The following ABCC9 variants were observed in gnomAD, a reference collection of about 807,000 sequenced individuals.
ABCC9 encodes the protein ATP binding cassette subfamily C member 9.
In ABCC9, 95 loss-of-function variants were observed where a neutral mutation model predicts 188.3. That is an observed-to-expected ratio of 0.50 (90% confidence interval 0.43 to 0.60). The LOEUF (loss-of-function observed/expected upper bound fraction) is 0.60. Among genes scored for constraint, ABCC9 ranks in the 20% least tolerant of loss-of-function variants. ABCC9 has a pLI of 0.00. For missense variants in ABCC9, 1,102 were observed against 1,876.3 expected (o/e 0.59, Z 7.62); for synonymous variants, 659 against 652.7 (o/e 1.01, Z -0.15).
At chr12:21,865,755 A>C (rs1424348875) in intron 18 of ABCC9, among the ~76,000 whole-genome samples, 1 of 152,198 alleles carries the variant, frequency 6.6e-6, no homozygotes, top group East Asian at 1.9e-4. Flanking sequence ...GGTTGGTTAA[A>C]TTCCGACTCT....
In ABCC9 at chr12:21,817,169, C is replaced by T. The variant is rs1942701796; in HGVS notation, c.3892+18G>A. ...AAAATAAATATTTAAGTGAGACAAACAATATTTAGAGCAATACCCATTGTG... is the reference window on the plus strand; with the variant it reads ...AAAATAAATATTTAAGTGAGACAAATAATATTTAGAGCAATACCCATTGTG... On this transcript the variant is annotated intron_variant, in intron 33 of 39. Transcript: ENST00000261200. The T allele has an allele frequency of 6.2e-7, 1 of 1,611,346 alleles. No homozygotes were observed. The highest frequency in any genetic ancestry group is 8.5e-7 in the Non-Finnish European group (1 of 1,178,168).
At chr12:21,848,880 C>G (rs1944820309) in intron 24 of ABCC9, among the ~76,000 whole-genome samples, 1 of 151,854 alleles carries the variant, frequency 6.6e-6, no homozygotes, top group African/African-American at 2.4e-5. Context: ...GGGAAACGTG[C>G]CAAAAACAAA....
intron 30 of ABCC9, among the ~76,000 whole-genome samples, chr12:21,832,513 T>C (rs1007688512): frequency 1.3e-5 from 2 of 152,072 alleles, no homozygotes; most frequent in Non-Finnish European, 2.9e-5. Flanking sequence ...ATATTTATGA[T>C]AGTTAATAAA....
intron 37 of ABCC9, among the ~76,000 whole-genome samples, chr12:21,808,794 A>AG (rs993972000): frequency 1.4e-4 from 21 of 151,642 alleles, no homozygotes; most frequent in South Asian, 4.2e-4. Flanking sequence ...AAAAAAAAAA[A>AG]AAAAAGAAAA....
At chr12:21,902,250 G>A (rs1006781596) in intron 12 of ABCC9, among the ~76,000 whole-genome samples, 51 of 152,104 alleles carry the variant, frequency 3.4e-4, no homozygotes, top group African/African-American at 1.2e-3. Flanking sequence ...TGAAACCAAC[G>A]AGAACAAAGA....
rs766344568 is a variant in ABCC9 at position 21,861,010 on chromosome 12, G to A, written c.2385C>T (p.Asp795=). 119 of 1,613,632 alleles carry A rather than the reference G, an allele frequency of 7.4e-5. 6 individuals are homozygous for A. The South Asian group carries it at 1.3e-3, about 17-fold the overall frequency. Reference sequence around the variant, plus strand: ...CAGTTTGATCTCCAAATGGTAATAAGTCAATATCTGGCTGAAGAGAACAGG... The same window carrying A: ...CAGTTTGATCTCCAAATGGTAATAAATCAATATCTGGCTGAAGAGAACAGG... ...TDACSLQPDI[D]LLPFGDQTEI... is the part of the protein sequence containing the mutation. The change falls in exon 21 of 40, where the codon GAC becomes GAT. Residue 795 remains aspartate, a synonymous_variant. Transcript: ENST00000261200.
chr12:21,866,499 A>G (rs978824368), intron 18 of ABCC9, among the ~76,000 whole-genome samples: 1 of 152,056 alleles, frequency 6.6e-6, no homozygotes, highest in African/African-American at 2.4e-5. Context: ...CCATAAAATT[A>G]TTTTCTTACT....
intron 14 of ABCC9, among the ~76,000 whole-genome samples, chr12:21,889,984 C>T (rs1592157219): frequency 6.6e-6 from 1 of 152,248 alleles, no homozygotes; most frequent in Non-Finnish European, 1.5e-5. Flanking sequence ...CTATCTCTCC[C>T]ACTAGACTGT....
chr12:21,818,117 A>G, intron 32 of ABCC9, 33 bp downstream of exon 32: 1 of 1,445,140 alleles, frequency 6.9e-7, no homozygotes. Context: ...GTGTTTGGTT[A>G]TCTGTTCCTG....
At chr12:21,826,335 C>T (rs1460308617) in intron 31 of ABCC9, among the ~76,000 whole-genome samples, 1 of 152,018 alleles carries the variant, frequency 6.6e-6, no homozygotes, top group East Asian at 1.9e-4. Context: ...ACAGTTCACA[C>T]CCTAGTCTCC....
chr12:21,924,088 A>T (rs1179980057), intron 5 of ABCC9: 2 of 377,966 alleles, frequency 5.3e-6, no homozygotes, highest in Admixed American at 4.4e-5. Flanking sequence ...ATCAGAACAG[A>T]TATTGCTTCT....
At chr12:21,803,285 T>C (rs1941593846) in intron 39 of ABCC9, among the ~76,000 whole-genome samples, 1 of 152,026 alleles carries the variant, frequency 6.6e-6, no homozygotes. Context: ...AAAAAGAATT[T>C]GGCCTCTAAA....
intron 31 of ABCC9, among the ~76,000 whole-genome samples, chr12:21,820,759 A>G (rs1427296033): frequency 1.3e-5 from 2 of 152,100 alleles, no homozygotes; most frequent in Non-Finnish European, 2.9e-5. Flanking sequence ...TTTGAGGTTC[A>G]ACTCAAACAT....
intron 8 of ABCC9, among the ~76,000 whole-genome samples, chr12:21,911,728 A>G (rs1948333517): frequency 1.3e-5 from 2 of 151,972 alleles, no homozygotes; most frequent in Admixed American, 1.3e-4. Flanking sequence ...TTTTGTGGGA[A>G]TATATACAAA....
chr12:21,915,322 T>TATATAC (rs1948518120), intron 7 of ABCC9, among the ~76,000 whole-genome samples: 1 of 113,808 alleles, frequency 8.8e-6, no homozygotes, highest in Admixed American at 9.3e-5. Context: ...AATGTGTATA[T>TATATAC]ATGTGTGTAT....
chr12:21,852,383 C>T lies in ABCC9; in HGVS notation c.2628G>A (p.Leu876=). The T allele has an allele frequency of 6.2e-7, 1 of 1,613,968 alleles. No individual in the cohort carries two copies. Among genetic ancestry groups the T allele is most frequent in the Non-Finnish European group, 8.5e-7 (1 of 1,179,982 alleles). ...AAACTCTTACCCAGTCAGCATGCGT[C>T]AGATACTGTAATTTGTGAGTCACAA... ...LVLVTHKLQY[L]THADWIIAMK... is the part of the protein sequence containing the mutation. Residue 876 remains leucine, a synonymous_variant, in exon 23 of 40, where the codon CTG becomes CTA. Transcript: ENST00000261200.
rs1592140370 is a variant in ABCC9 at position 21,881,892 on chromosome 12, G to A, written c.2019+874C>T. Among the ~76,000 whole-genome samples the A allele has an allele frequency of 2.6e-5, 4 of 152,280 alleles. No individual in the cohort carries two copies. In the South Asian group the frequency reaches 8.3e-4, roughly 32 times the overall value. On this transcript the variant is annotated intron_variant, in intron 16 of 39. Transcript: ENST00000261200. ...GATGGGCAAACCATGGCTCAATGAG[G>A]CATAGTAATTTGCCCAAATATCATG...
rs888284495 is a variant in ABCC9 at position 21,798,176 on chromosome 12, G to T, written c.*2868C>A. ...TGGTGAATGTGATCTTTAGTTTAGT[G>T]TAACTAGATAGGCTTCTACTGATGT... On this transcript the variant is annotated 3_prime_UTR_variant, in exon 40 of 40. Transcript: ENST00000261200. 6.6e-6 allele frequency: 1 copy of T among 152,152 alleles called. No individual in the cohort carries two copies. The highest frequency in any genetic ancestry group is 2.4e-5 in the African/African-American group (1 of 41,452). The allele number at this position is 152,152 out of a possible 1,614,324, so 9.4% of individuals were successfully genotyped here. A position where few individuals can be genotyped will look rare whatever the true frequency, so the allele number is the denominator to read the frequency against.
rs369220858 is a variant in ABCC9, at chr12:21,842,478, G to T, written c.3316-7C>A. The T allele has an allele frequency of 1.2e-6, 2 of 1,613,818 alleles. No homozygotes were observed. The highest frequency in any genetic ancestry group is 1.3e-5 in the African/African-American group (1 of 75,024). ...CCAAGGTTGGAGGGATGTGCTATTA[G>T]GGTAGTTTAAAAGGAAAATATGATT... On this transcript the variant is annotated splice_polypyrimidine_tract_variant and splice_region_variant and intron_variant, in intron 28 of 39. Transcript: ENST00000261200.
Sources: gnomAD v4.1 joint callset for allele counts (sites outside exome capture counted in the v4.1 genomes callset) on GRCh38, gnomAD v4.1.1 for gene constraint, MANE v1.5 for transcripts, NCBI Gene and HGNC (gene_info 2026-07-23, HGNC 2026-07-21) for gene names.